MINAR1: variants seen among roughly 807,000 people sequenced by gnomAD.
The protein encoded by MINAR1 is membrane integral NOTCH2 associated receptor 1, also known as major intrinsically disordered Notch2-binding receptor 1.
In MINAR1, 40 loss-of-function variants were observed where a neutral mutation model predicts 65.1. That is an observed-to-expected ratio of 0.61 (90% CI 0.48 to 0.80). The LOEUF (loss-of-function observed/expected upper bound fraction) is 0.80. Among genes scored for constraint, MINAR1 ranks in the 30% least tolerant of loss-of-function variants. The pLI is 0.00. For missense variants in MINAR1, 1,128 were observed against 1,148.0 expected (o/e 0.98, Z 0.25); for synonymous variants, 482 against 449.1 (o/e 1.07, Z -0.93).
At chr15:79,466,355 AGGCCTTGTG>A (rs1475559862) in intron 3 of MINAR1, among the ~76,000 whole-genome samples, 4 of 152,220 alleles carry the variant, frequency 2.6e-5, no homozygotes, top group African/African-American at 9.6e-5. Flanking sequence ...TAAATCCTTT[AGGCCTTGTG>A]GGCCTTATAA....
chr15:79,464,952 G>C (rs928941394), intron 3 of MINAR1, among the ~76,000 whole-genome samples: 8 of 152,216 alleles, frequency 5.3e-5, no homozygotes, highest in African/African-American at 1.9e-4. Flanking sequence ...GAAAGAGTTA[G>C]ATTAATTAAG....
upstream of MINAR1, among the ~76,000 whole-genome samples, chr15:79,430,117 T>C (rs1421629108): frequency 6.6e-6 from 1 of 152,242 alleles, no homozygotes; most frequent in African/African-American, 2.4e-5. Flanking sequence ...TGAGTAACTG[T>C]AGGATCAGAA....
chr15:79,413,284 A>G, the MINAR1 span: 5 of 152,240 alleles, frequency 3.3e-5, no homozygotes, highest in African/African-American at 9.6e-5. Context: ...CTGTGGACCC[A>G]AGCTCCCTTC....
chr15:79,432,832 T>A (rs57310278), intron 1 of MINAR1, among the ~76,000 whole-genome samples: 67,964 of 151,734 alleles, frequency 0.45, 15,992 homozygotes, highest in African/African-American at 0.61. Flanking sequence ...CCACGGAAGA[T>A]GATCATGCAG....
intron 3 of MINAR1, among the ~76,000 whole-genome samples, chr15:79,464,748 C>T (rs549889406): frequency 6.6e-6 from 1 of 152,204 alleles, no homozygotes; most frequent in Non-Finnish European, 1.5e-5. Context: ...ACCCTAAGCC[C>T]TTCCTCACCC....
At position 79,450,178 on chromosome 15, in the gene MINAR1, T is replaced by C. The variant is rs377072871; in HGVS notation, c.-50-5920T>C. Among the ~76,000 whole-genome samples the C allele has an allele frequency of 3.3e-5, 5 of 152,156 alleles. No individual in the cohort carries two copies. In the East Asian group the frequency reaches 9.6e-4, roughly 29 times the overall value. Reference sequence around the variant, plus strand: ...ATGTGCCTTTGAAAAGTCATGTTACTCTCTGGACCCCAGTTTTCTTGACCA... The same window carrying C: ...ATGTGCCTTTGAAAAGTCATGTTACCCTCTGGACCCCAGTTTTCTTGACCA... On this transcript the variant is annotated intron_variant, in intron 1 of 3. Transcript: ENST00000305428.
chr15:79,411,581 T>A, the MINAR1 span: 1 of 690,560 alleles, frequency 1.4e-6, no homozygotes, highest in Non-Finnish European at 2.6e-6. Context: ...AGGAAGCTGC[T>A]GCACAGAGCT....
At chr15:79,433,258 G>A (rs1894504150) in intron 1 of MINAR1, among the ~76,000 whole-genome samples, 1 of 152,144 alleles carries the variant, frequency 6.6e-6, no homozygotes, top group East Asian at 1.9e-4. Context: ...CTCGCCGGCG[G>A]TGCGGGGAGC....
At chr15:79,436,216 T>C (rs1028614495) in intron 1 of MINAR1, among the ~76,000 whole-genome samples, 18 of 152,232 alleles carry the variant, frequency 1.2e-4, no homozygotes, top group African/African-American at 4.3e-4. Flanking sequence ...TAACCTAGCA[T>C]ACGTGACTGA....
rs142186144 is a variant in MINAR1 at position 79,456,809 on chromosome 15, A to G, written c.662A>G (p.Glu221Gly). Reference sequence around the variant, plus strand: ...AGGACCTACTTCCCCATGAACATCGAAAACGAGTCCATTTCAGACCAGGAC... The same window carrying G: ...AGGACCTACTTCCCCATGAACATCGGAAACGAGTCCATTTCAGACCAGGAC... Reference protein sequence around the residue: ...MQRTYFPMNIENESISDQDSL... With the variant: ...MQRTYFPMNIGNESISDQDSL... The change falls in exon 2 of 4, where the codon GAA (glutamate) becomes GGA (glycine). Residue 221 changes from glutamate (E) to glycine (G), a missense_variant. Coordinates refer to ENST00000305428, the MANE Select transcript of MINAR1 (RefSeq NM_015206.3). 9.5e-5 allele frequency: 154 copies of G among 1,614,216 alleles called. 1 individual carries two copies. The African/African-American group carries it at 1.8e-3, about 19-fold the overall frequency.
At chr15:79,420,711 C>T in the MINAR1 span, 3 of 152,242 alleles carry the variant, frequency 2.0e-5, no homozygotes, top group African/African-American at 7.2e-5. Flanking sequence ...GACAAATCTT[C>T]ATGACCTGTT....
upstream of MINAR1, among the ~76,000 whole-genome samples, chr15:79,428,317 TCCTC>T (rs1262306755): frequency 8.6e-6 from 1 of 116,462 alleles, no homozygotes; most frequent in Admixed American, 8.6e-5. Flanking sequence ...CTCCCTTCCT[TCCTC>T]CCTCCCTCCT....
At chr15:79,468,062 T>C in intron 3 of MINAR1, 125 bp from the exon 4 acceptor site, 1 of 717,024 alleles carries the variant, frequency 1.4e-6, no homozygotes, top group Admixed American at 2.5e-5. Context: ...GGCAGTGTTA[T>C]GCAATACAGT....
intron 1 of MINAR1, among the ~76,000 whole-genome samples, chr15:79,446,839 A>G (rs1199262836): frequency 6.6e-6 from 1 of 151,934 alleles, no homozygotes; most frequent in Non-Finnish European, 1.5e-5. Flanking sequence ...TTATCCTTCT[A>G]TGCTCATGTC....
At chr15:79,433,681 C>T (rs1031394921) in intron 1 of MINAR1, among the ~76,000 whole-genome samples, 2 of 152,120 alleles carry the variant, frequency 1.3e-5, no homozygotes, top group African/African-American at 2.4e-5. Flanking sequence ...AGTTATGCAT[C>T]CTTTATTCCA....
the MINAR1 span, chr15:79,415,545 C>A: frequency 6.6e-6 from 1 of 152,140 alleles, no homozygotes; most frequent in South Asian, 2.1e-4. Flanking sequence ...AAGTTGCAGA[C>A]CAAAATCGGT....
chr15:79,445,057 T>C (rs1894976892), intron 1 of MINAR1, among the ~76,000 whole-genome samples: 1 of 152,142 alleles, frequency 6.6e-6, no homozygotes. Context: ...TTTTTAAGGC[T>C]ATATTATTGA....
intron 2 of MINAR1, among the ~76,000 whole-genome samples, chr15:79,462,064 CACA>C (rs1260691301): frequency 1.3e-5 from 2 of 152,216 alleles, no homozygotes; most frequent in Non-Finnish European, 2.9e-5. Flanking sequence ...TACTGAGATA[CACA>C]ACTTCTTTGC....
intron 2 of MINAR1, 115 bp downstream of exon 2, chr15:79,458,560 T>C (rs1895527765): frequency 3.9e-6 from 5 of 1,296,248 alleles, no homozygotes; most frequent in Non-Finnish European, 5.3e-6. Context: ...TGTGTGCCAG[T>C]CATCCTTCCA....
Sources: allele counts gnomAD v4.1 joint callset (sites outside exome capture counted in the v4.1 genomes callset), GRCh38; gene constraint gnomAD v4.1.1; transcripts MANE v1.5; gene names NCBI Gene and HGNC (gene_info 2026-07-23, HGNC 2026-07-21).